REEP3: variants seen among roughly 807,000 people sequenced by gnomAD.
REEP3 encodes the protein receptor accessory protein 3.
REEP3 carries 20 observed loss-of-function variants against 41.3 expected under a neutral mutation model. That is an observed-to-expected ratio of 0.48 (90% CI 0.34 to 0.70). The LOEUF (loss-of-function observed/expected upper bound fraction) is 0.70. Ranked by LOEUF, REEP3 falls within the 30% of genes least tolerant of loss-of-function variation. The pLI, the probability that REEP3 is intolerant of heterozygous loss-of-function variation, is 0.01. For missense variants in REEP3, 271 were observed against 308.8 expected, an observed-to-expected ratio of 0.88 and a Z score of 0.92; for synonymous variants, 104 against 101.8, an observed-to-expected ratio of 1.02 and a Z score of -0.13.
chr10:63,616,298 C>G (rs931834540), intron 6 of REEP3, among the ~76,000 whole-genome samples: 1 of 152,184 alleles, frequency 6.6e-6, no homozygotes, highest in African/African-American at 2.4e-5. Context: ...ACTGTATGCC[C>G]TCTGGCACCT....
intron 1 of REEP3, among the ~76,000 whole-genome samples, chr10:63,559,389 A>G (rs1955720700): frequency 6.6e-6 from 1 of 152,154 alleles, no homozygotes; most frequent in South Asian, 2.1e-4. Context: ...CTTTTACTTT[A>G]CTTAATTCAT....
In REEP3 at chr10:63,615,625, A is replaced by C. The variant is rs1956306358; in HGVS notation, c.566-4030A>C. 2.0e-5 allele frequency among the ~76,000 whole-genome samples: 3 copies of C among 150,860 alleles called. No individual in the cohort carries two copies. In the South Asian group the frequency reaches 6.3e-4, roughly 31 times the overall value. Reference sequence around the variant, plus strand: ...CAGTGGCGCGATCTCAGCTCACTGCAGCCTCCACCTCCCAGGTTCAAGCAA... The same window carrying C: ...CAGTGGCGCGATCTCAGCTCACTGCCGCCTCCACCTCCCAGGTTCAAGCAA... On this transcript the variant is annotated intron_variant, in intron 6 of 7. Coordinates refer to ENST00000373758, the MANE Select transcript of REEP3 (RefSeq NM_001001330.3).
intron 1 of REEP3, among the ~76,000 whole-genome samples, chr10:63,535,715 T>C (rs750874913): frequency 1.3e-5 from 2 of 152,150 alleles, no homozygotes; most frequent in Non-Finnish European, 2.9e-5. Context: ...ATGACAGTGG[T>C]AGAATTCAAA....
At chr10:63,536,851 A>C (rs1447485530) in intron 1 of REEP3, among the ~76,000 whole-genome samples, 3 of 152,214 alleles carry the variant, frequency 2.0e-5, no homozygotes, top group Non-Finnish European at 2.9e-5. Flanking sequence ...AAGTCTGAAA[A>C]TACCAAGTGT....
chr10:63,603,080 G>C (rs1475657151), intron 5 of REEP3, among the ~76,000 whole-genome samples: 3 of 150,934 alleles, frequency 2.0e-5, no homozygotes, highest in Non-Finnish European at 4.4e-5. Context: ...TTGGGAGGCT[G>C]AGGCGGGCGG....
chr10:63,541,913 AT>A (rs1453303019), intron 1 of REEP3, among the ~76,000 whole-genome samples: 2 of 152,106 alleles, frequency 1.3e-5, no homozygotes, highest in Admixed American at 6.6e-5. Flanking sequence ...TAGAATTCAC[AT>A]TTTTCCATTT....
intron 2 of REEP3, among the ~76,000 whole-genome samples, chr10:63,568,519 G>A (rs921373538): frequency 3.3e-5 from 5 of 151,844 alleles, no homozygotes; most frequent in Admixed American, 1.3e-4. Context: ...CACCCGCCTC[G>A]GCCTCCCAAA....
At chr10:63,534,439 A>G (rs977495739) in intron 1 of REEP3, among the ~76,000 whole-genome samples, 1 of 152,080 alleles carries the variant, frequency 6.6e-6, no homozygotes, top group Non-Finnish European at 1.5e-5. Flanking sequence ...TTGTAGAGAT[A>G]GGGCCTTGTT....
At chr10:63,530,432 A>C (rs1419101225) in intron 1 of REEP3, among the ~76,000 whole-genome samples, 4 of 152,236 alleles carry the variant, frequency 2.6e-5, no homozygotes, top group Non-Finnish European at 4.4e-5. Context: ...ACAATGAGAA[A>C]TCAGGTAAAT....
At chr10:63,609,697 G>A (rs1277963141) in intron 5 of REEP3, among the ~76,000 whole-genome samples, 1 of 152,062 alleles carries the variant, frequency 6.6e-6, no homozygotes, top group Admixed American at 6.6e-5. Flanking sequence ...GGAGGTAGAG[G>A]TTGCAGTAGC....
intron 5 of REEP3, among the ~76,000 whole-genome samples, chr10:63,609,827 T>C (rs1564492161): frequency 6.6e-6 from 1 of 151,900 alleles, no homozygotes; most frequent in African/African-American, 2.4e-5. Context: ...AATATTAAAG[T>C]TTAAGCCCCA....
intron 2 of REEP3, among the ~76,000 whole-genome samples, chr10:63,575,416 T>C (rs1356727760): frequency 6.6e-6 from 1 of 152,236 alleles, no homozygotes; most frequent in African/African-American, 2.4e-5. Flanking sequence ...TCCCTTTTAA[T>C]CTGGGAATCC....
chr10:63,581,115 A>G (rs1336357103), intron 2 of REEP3, among the ~76,000 whole-genome samples: 1 of 152,210 alleles, frequency 6.6e-6, no homozygotes, highest in Admixed American at 6.5e-5. Context: ...CCCCTTTCAC[A>G]CAATACTGGG....
At chr10:63,607,885 G>C (rs1268997850) in intron 5 of REEP3, among the ~76,000 whole-genome samples, 5 of 152,198 alleles carry the variant, frequency 3.3e-5, no homozygotes, top group Non-Finnish European at 7.3e-5. Flanking sequence ...TAATTATAAA[G>C]CTAGACTGAT....
chr10:63,597,944 C>G, intron 3 of REEP3, 80 bp from the exon 4 acceptor site: 1 of 1,261,644 alleles, frequency 7.9e-7, no homozygotes. Flanking sequence ...AGTGACTGAA[C>G]TTTTTAAAAG....
chr10:63,553,827 G>A (rs930061100), intron 1 of REEP3, among the ~76,000 whole-genome samples: 6 of 152,052 alleles, frequency 3.9e-5, no homozygotes, highest in Non-Finnish European at 7.4e-5. Context: ...GGCCGGGGGC[G>A]GTGGCTCACG....
Position 63,610,169 on chromosome 10 carries a change from C to G in REEP3, c.418-18C>G. On this transcript the variant is annotated intron_variant, in intron 5 of 7. Transcript: ENST00000373758. The stretch of plus-strand genomic sequence containing the variant: ...ACTAAATATTTTTTCTTGGACCTAT[C>G]ACTTCTCTGTTAAATAGAGCCAAGG... The G allele has an allele frequency of 6.3e-7, 1 of 1,598,934 alleles. No homozygotes were observed. The highest frequency in any genetic ancestry group is 8.5e-7 in the Non-Finnish European group (1 of 1,172,188).
chr10:63,616,422 C>T (rs1393004718), intron 6 of REEP3, among the ~76,000 whole-genome samples: 1 of 152,132 alleles, frequency 6.6e-6, no homozygotes, highest in African/African-American at 2.4e-5. Flanking sequence ...CTTTTTCATC[C>T]TTGTATCCTC....
chr10:63,526,865 TAGAG>T (rs1216940266), intron 1 of REEP3, among the ~76,000 whole-genome samples: 23 of 152,154 alleles, frequency 1.5e-4, no homozygotes, highest in Admixed American at 1.4e-3. Context: ...CTTGGTTGCA[TAGAG>T]AGTTTATAGT....
Sources: gnomAD v4.1 joint callset for allele counts (sites outside exome capture counted in the v4.1 genomes callset) on GRCh38, gnomAD v4.1.1 for gene constraint, MANE v1.5 for transcripts, NCBI Gene and HGNC (gene_info 2026-07-23, HGNC 2026-07-21) for gene names.